Variants in GRIK1 observed in about 807,000 individuals in gnomAD.
GRIK1 encodes glutamate receptor ionotropic, kainate 1.
Under a neutral mutation model 105.7 loss-of-function variants are expected in GRIK1, and 69 were observed. That is an observed-to-expected ratio of 0.65 (90% CI 0.54 to 0.80). GRIK1 has a LOEUF of 0.80. Ranked by LOEUF, GRIK1 falls within the 30% of genes least tolerant of loss-of-function variation. The pLI, the probability that GRIK1 is intolerant of heterozygous loss-of-function variation, is 0.00. For synonymous variants in GRIK1, 438 were observed against 431.3 expected, an observed-to-expected ratio of 1.02 and a Z score of -0.19; for missense variants, 1,109 against 1,167.3, an observed-to-expected ratio of 0.95 and a Z score of 0.73.
chr21:29,622,141 T>G (rs533389542), intron 7 of GRIK1, among the ~76,000 whole-genome samples: 1 of 152,048 alleles, frequency 6.6e-6, no homozygotes, highest in South Asian at 2.1e-4. Context: ...GAGAAGGGGT[T>G]TCATCATATT....
At chr21:29,824,483 G>A (rs968140716) in intron 1 of GRIK1, among the ~76,000 whole-genome samples, 1 of 151,934 alleles carries the variant, frequency 6.6e-6, no homozygotes, top group African/African-American at 2.4e-5. Context: ...ACGAAAAGAA[G>A]GATCATTGTA....
At chr21:29,683,739 A>G (rs2146687315) in intron 3 of GRIK1, among the ~76,000 whole-genome samples, 1 of 152,312 alleles carries the variant, frequency 6.6e-6, no homozygotes, top group East Asian at 1.9e-4. Context: ...CCATGCAACG[A>G]CCTTCATATG....
chr21:29,597,535 C>G lies in GRIK1; in HGVS notation c.1207-965G>C, dbSNP rs771540896. 8 of 292,092 alleles carry G rather than the reference C, an allele frequency of 2.7e-5. No individual in the cohort carries two copies. In the East Asian group the frequency reaches 7.3e-4, roughly 27 times the overall value. The allele number at this position is 292,092 out of a possible 1,614,324, so 18.1% of individuals were successfully genotyped here. A position where few individuals can be genotyped will look rare whatever the true frequency, so the allele number is the denominator to read the frequency against. On this transcript the variant is annotated intron_variant, in intron 8 of 17. Coordinates refer to ENST00000327783, the MANE Select transcript of GRIK1 (RefSeq NM_001330994.2). ...TTAAAAAAATTATAGGCTTTTAGATCATAACAAGTATTTTTTTTCTTTTGT... is the reference window on the plus strand; with the variant it reads ...TTAAAAAAATTATAGGCTTTTAGATGATAACAAGTATTTTTTTTCTTTTGT...
intron 1 of GRIK1, among the ~76,000 whole-genome samples, chr21:29,789,328 T>G (rs569637703): frequency 6.6e-6 from 1 of 152,324 alleles, no homozygotes; most frequent in Non-Finnish European, 1.5e-5. Context: ...AACAAAATGC[T>G]TGTTAATTTG....
intron 14 of GRIK1, among the ~76,000 whole-genome samples, chr21:29,570,800 C>G (rs16984372): frequency 0.039 from 5,937 of 150,448 alleles, 382 homozygotes; most frequent in African/African-American, 0.13. Flanking sequence ...ACAACATAAG[C>G]CTTAATAAGC....
chr21:29,850,253 G>T (rs2068262497), intron 1 of GRIK1, among the ~76,000 whole-genome samples: 1 of 152,024 alleles, frequency 6.6e-6, no homozygotes, highest in Admixed American at 6.6e-5. Context: ...TGTAGATCCT[G>T]GGTAGCATTT....
chr21:29,807,683 C>T (rs1164969158), intron 1 of GRIK1, among the ~76,000 whole-genome samples: 1 of 152,136 alleles, frequency 6.6e-6, no homozygotes, highest in Non-Finnish European at 1.5e-5. Flanking sequence ...TTTGTTGATA[C>T]ATATTTATAT....
intron 1 of GRIK1, among the ~76,000 whole-genome samples, chr21:29,726,018 C>CA (rs1215466270): frequency 6.6e-6 from 1 of 152,096 alleles, no homozygotes; most frequent in African/African-American, 2.4e-5. Context: ...GGTGGAAAGA[C>CA]AGATAGTATT....
chr21:29,846,424 A>G (rs2068115131), intron 1 of GRIK1, among the ~76,000 whole-genome samples: 1 of 144,478 alleles, frequency 6.9e-6, no homozygotes, highest in African/African-American at 2.7e-5. Context: ...AAAGAAAGAA[A>G]AAAATAAAGA....
intron 1 of GRIK1, among the ~76,000 whole-genome samples, chr21:29,844,278 G>T (rs1289162078): frequency 6.6e-6 from 1 of 151,858 alleles, no homozygotes. Context: ...GCAGTTCTTA[G>T]ACTGTTCAAT....
rs140823501 is a variant in GRIK1 at position 29,610,841 on chromosome 21, T to A, written c.1099-11904A>T. 7.4e-3 allele frequency among the ~76,000 whole-genome samples: 1,132 copies of A among 152,194 alleles called. 42 individuals carry two copies. The highest frequency in any genetic ancestry group is 0.063 in the Admixed American group (968 of 15,290). On this transcript the variant is annotated intron_variant, in intron 7 of 17. Coordinates refer to ENST00000327783, the MANE Select transcript of GRIK1 (RefSeq NM_001330994.2). ...AGGATTCTGAAAATGCAATGAGAGA[T>A]TTCTTTTGAAATTTTCTTACAGAAG...
chr21:29,680,331 A>G (rs977740912), intron 3 of GRIK1, among the ~76,000 whole-genome samples: 2 of 152,266 alleles, frequency 1.3e-5, no homozygotes, highest in African/African-American at 4.8e-5. Flanking sequence ...AATGGGGAAC[A>G]CATTCAAATA....
chr21:29,901,540 T>C (rs920246405), intron 1 of GRIK1, among the ~76,000 whole-genome samples: 13 of 146,288 alleles, frequency 8.9e-5, no homozygotes, highest in African/African-American at 3.3e-4. Context: ...AACCAGAAAA[T>C]CTAGAAGAAG....
chr21:29,750,206 C>T (rs1178362753), intron 1 of GRIK1, among the ~76,000 whole-genome samples: 1 of 151,568 alleles, frequency 6.6e-6, no homozygotes, highest in African/African-American at 2.4e-5. Context: ...TTCCTTCTCT[C>T]CCTTCCTTCT....
intron 1 of GRIK1, among the ~76,000 whole-genome samples, chr21:29,795,037 T>TTTG (rs2066520409): frequency 7.6e-6 from 1 of 131,230 alleles, no homozygotes; most frequent in Non-Finnish European, 1.6e-5. Flanking sequence ...AATTTTTTTT[T>TTTG]TTTTTTTTTT....
chr21:29,908,406 C>T (rs1569209716), intron 1 of GRIK1, among the ~76,000 whole-genome samples: 1 of 152,126 alleles, frequency 6.6e-6, no homozygotes, highest in Non-Finnish European at 1.5e-5. Flanking sequence ...GCTGAATCTA[C>T]CTTGGTCCAA....
At chr21:29,880,649 T>C (rs2069373319) in intron 1 of GRIK1, among the ~76,000 whole-genome samples, 1 of 152,164 alleles carries the variant, frequency 6.6e-6, no homozygotes, top group South Asian at 2.1e-4. Context: ...AAGTAGCATA[T>C]TGTCTGTGAC....
intron 3 of GRIK1, among the ~76,000 whole-genome samples, chr21:29,678,205 C>A (rs1417446585): frequency 6.6e-6 from 1 of 152,106 alleles, no homozygotes; most frequent in Non-Finnish European, 1.5e-5. Context: ...GTACCCAAAT[C>A]TAATACGATT....
intron 1 of GRIK1, among the ~76,000 whole-genome samples, chr21:29,912,298 A>G (rs1416714108): frequency 6.6e-6 from 1 of 152,100 alleles, no homozygotes; most frequent in East Asian, 1.9e-4. Context: ...CTCCCTGACC[A>G]GAGACATGCC....
Sources: allele counts gnomAD v4.1 joint callset (sites outside exome capture counted in the v4.1 genomes callset), GRCh38; gene constraint gnomAD v4.1.1; transcripts MANE v1.5; gene names NCBI Gene and HGNC (gene_info 2026-07-23, HGNC 2026-07-21).